KCNAB1: variants seen among roughly 807,000 people sequenced by gnomAD.
The protein encoded by KCNAB1 is potassium voltage-gated channel subfamily A regulatory beta subunit 1.
KCNAB1 carries 35 observed loss-of-function variants against 64.6 expected under a neutral mutation model. The observed-to-expected ratio is 0.54, with a 90% CI of 0.41 to 0.72. KCNAB1 has a LOEUF of 0.72. Among genes scored for constraint, KCNAB1 ranks in the 30% least tolerant of loss-of-function variants. KCNAB1 has a pLI of 0.00. For missense variants in KCNAB1, 401 were observed against 512.9 expected, an observed-to-expected ratio of 0.78 and a Z score of 2.11; for synonymous variants, 177 against 183.8, an observed-to-expected ratio of 0.96 and a Z score of 0.30.
chr3:156,387,014 C>CTCTT (rs60888308), intron 1 of KCNAB1, among the ~76,000 whole-genome samples: 3 of 90,526 alleles, frequency 3.3e-5, no homozygotes, highest in Admixed American at 1.1e-4. Flanking sequence ...TTCTCTCTCT[C>CTCTT]TTTTTTTTTT....
chr3:156,214,778 TTCTGATC>T (rs545193557), intron 1 of KCNAB1, among the ~76,000 whole-genome samples: 193 of 152,330 alleles, frequency 1.3e-3, no homozygotes, highest in African/African-American at 4.4e-3. Flanking sequence ...TTCTCAAAAC[TTCTGATC>T]TAGTCATGTC....
chr3:156,297,323 T>C (rs79190470), intron 1 of KCNAB1, among the ~76,000 whole-genome samples: 4,017 of 146,002 alleles, frequency 0.028, 196 homozygotes, highest in African/African-American at 0.096. Flanking sequence ...TGAGAAAGAA[T>C]CTTGTAGTGG....
intron 1 of KCNAB1, among the ~76,000 whole-genome samples, chr3:156,377,330 G>T (rs1482763681): frequency 6.6e-6 from 1 of 152,144 alleles, no homozygotes; most frequent in Non-Finnish European, 1.5e-5. Context: ...AAGCCTACCT[G>T]TGAGTTAGAG....
chr3:156,467,553 ATCT>A (rs1395298140), intron 7 of KCNAB1, among the ~76,000 whole-genome samples: 5 of 152,114 alleles, frequency 3.3e-5, no homozygotes, highest in Non-Finnish European at 5.9e-5. Context: ...TCTGGTACAC[ATCT>A]TCTTCACCTT....
chr3:156,509,139 T>A (rs2108381424), intron 8 of KCNAB1, among the ~76,000 whole-genome samples: 1 of 152,272 alleles, frequency 6.6e-6, no homozygotes, highest in South Asian at 2.1e-4. Context: ...ATCTGTTTGC[T>A]TATGTACTAA....
chr3:156,256,322 A>T (rs1172966563), intron 1 of KCNAB1, among the ~76,000 whole-genome samples: 2 of 152,218 alleles, frequency 1.3e-5, no homozygotes, highest in Non-Finnish European at 2.9e-5. Flanking sequence ...GATTAAAAAG[A>T]AATATATTTG....
intron 1 of KCNAB1, among the ~76,000 whole-genome samples, chr3:156,403,288 G>A (rs1714029524): frequency 6.6e-6 from 1 of 152,162 alleles, no homozygotes; most frequent in African/African-American, 2.4e-5. Context: ...CATGCTAATG[G>A]GGAGCTTCCA....
In KCNAB1 at chr3:156,429,040, G is replaced by T. The variant is rs908578389; in HGVS notation, c.319+7381G>T. ...GACTTATATGAGTCTCTCAAAAGGT[G>T]TTTCTTCTCAACTCTGGCTGCACAT... On this transcript the variant is annotated intron_variant, in intron 2 of 13. Coordinates refer to ENST00000490337, the MANE Select transcript of KCNAB1 (RefSeq NM_172160.3). Among the ~76,000 whole-genome samples, 8 of 152,300 alleles carry T rather than the reference G, an allele frequency of 5.3e-5. No homozygotes were observed. The East Asian group carries it at 1.5e-3, about 29-fold the overall frequency.
intron 8 of KCNAB1, among the ~76,000 whole-genome samples, chr3:156,512,171 A>G (rs1250073032): frequency 6.6e-6 from 1 of 152,136 alleles, no homozygotes; most frequent in African/African-American, 2.4e-5. Flanking sequence ...CTCTCACTCA[A>G]CTTGAAACTC....
chr3:156,320,611 C>G (rs553398960), intron 1 of KCNAB1, among the ~76,000 whole-genome samples: 3 of 152,094 alleles, frequency 2.0e-5, no homozygotes, highest in Non-Finnish European at 4.4e-5. Flanking sequence ...GGACTGTGTC[C>G]AGTGAAAGAC....
intron 1 of KCNAB1, among the ~76,000 whole-genome samples, chr3:156,324,086 A>G (rs1052321220): frequency 1.9e-4 from 29 of 152,034 alleles, no homozygotes; most frequent in Non-Finnish European, 4.3e-4. Context: ...AGGACTGCAC[A>G]TATGTTTCAT....
intron 8 of KCNAB1, among the ~76,000 whole-genome samples, chr3:156,497,933 T>C (rs1716118710): frequency 6.6e-6 from 1 of 152,212 alleles, no homozygotes; most frequent in African/African-American, 2.4e-5. Context: ...ACTGCATATT[T>C]ATTTTGTGCC....
At chr3:156,483,500 C>T (rs1714981307) in intron 8 of KCNAB1, among the ~76,000 whole-genome samples, 1 of 152,108 alleles carries the variant, frequency 6.6e-6, no homozygotes, top group Non-Finnish European at 1.5e-5. Flanking sequence ...TGCACATTCT[C>T]TACTTTGTTG....
chr3:156,416,822 G>A (rs1421822358), intron 1 of KCNAB1, among the ~76,000 whole-genome samples: 2 of 152,064 alleles, frequency 1.3e-5, no homozygotes, highest in South Asian at 2.1e-4. Context: ...ACGGATCATC[G>A]GGTGTTTTAT....
chr3:156,234,995 C>A (rs1716765456), intron 1 of KCNAB1, among the ~76,000 whole-genome samples: 1 of 152,190 alleles, frequency 6.6e-6, no homozygotes, highest in Non-Finnish European at 1.5e-5. Flanking sequence ...CCACAAAAGC[C>A]ATGAGTAAGA....
intron 1 of KCNAB1, among the ~76,000 whole-genome samples, chr3:156,205,802 T>C (rs144885530): frequency 6.6e-6 from 1 of 152,328 alleles, no homozygotes; most frequent in South Asian, 2.1e-4. Flanking sequence ...CCTGACTAGA[T>C]GCTTTAATGC....
chr3:156,358,328 G>A (rs1479585102), intron 1 of KCNAB1, among the ~76,000 whole-genome samples: 1 of 152,138 alleles, frequency 6.6e-6, no homozygotes, highest in Non-Finnish European at 1.5e-5. Flanking sequence ...ATTTGGGGTG[G>A]TCATTTCTGT....
chr3:156,344,882 T>C (rs569623345), intron 1 of KCNAB1, among the ~76,000 whole-genome samples: 9 of 152,292 alleles, frequency 5.9e-5, no homozygotes, highest in African/African-American at 2.2e-4. Flanking sequence ...CCGTGACATA[T>C]GCATCGTACC....
intron 8 of KCNAB1, among the ~76,000 whole-genome samples, chr3:156,511,320 G>A (rs1364985434): frequency 6.6e-6 from 1 of 152,076 alleles, no homozygotes; most frequent in African/African-American, 2.4e-5. Context: ...AGCCAGGATG[G>A]TCTCGATCTC....
Sources: gnomAD v4.1 joint callset for allele counts (sites outside exome capture counted in the v4.1 genomes callset) on GRCh38, gnomAD v4.1.1 for gene constraint, MANE v1.5 for transcripts, NCBI Gene and HGNC (gene_info 2026-07-23, HGNC 2026-07-21) for gene names.